SLC9A9: variants seen among roughly 807,000 people sequenced by gnomAD.
SLC9A9 encodes the protein sodium/hydrogen exchanger 9.
In SLC9A9, 62 loss-of-function variants were observed where a neutral mutation model predicts 77.8. That is an observed-to-expected ratio of 0.80 (90% CI 0.65 to 0.98). SLC9A9 has a LOEUF of 0.98. Among genes scored for constraint, SLC9A9 ranks in the 50% least tolerant of loss-of-function variants. SLC9A9 has a pLI of 0.00. For missense variants in SLC9A9, 775 were observed against 774.9 expected, an observed-to-expected ratio of 1.00 and a Z score of 0.00; for synonymous variants, 320 against 283.5, an observed-to-expected ratio of 1.13 and a Z score of -1.29.
In SLC9A9 at chr3:143,336,144, T is replaced by C. The variant is rs145873851; in HGVS notation, c.1604+27340A>G. ...GAAGATATGCAAGTTAACAAGCATA[T>C]GAAAAGATGCTCAATATCTCTAATC... is the stretch of plus-strand genomic sequence containing the variant. On this transcript the variant is annotated intron_variant, in intron 14 of 15. Transcript: ENST00000316549. 7.3e-3 allele frequency among the ~76,000 whole-genome samples: 1,109 copies of C among 152,262 alleles called. 13 individuals are homozygous for C. The highest frequency in any genetic ancestry group is 0.025 in the African/African-American group (1,058 of 41,554).
At chr3:143,602,392 A>C (rs1016256570) in intron 6 of SLC9A9, among the ~76,000 whole-genome samples, 14 of 152,180 alleles carry the variant, frequency 9.2e-5, no homozygotes, top group Non-Finnish European at 2.1e-4. Flanking sequence ...TCCACCTCTT[A>C]AGATGTTCTC....
At chr3:143,327,998 A>AT (rs1010512507) in intron 14 of SLC9A9, among the ~76,000 whole-genome samples, 5 of 152,144 alleles carry the variant, frequency 3.3e-5, no homozygotes, top group Non-Finnish European at 7.3e-5. Context: ...CTATATGGAC[A>AT]TTTTTTTCTG....
intron 14 of SLC9A9, among the ~76,000 whole-genome samples, chr3:143,346,229 G>A (rs901269824): frequency 1.3e-5 from 2 of 152,050 alleles, no homozygotes; most frequent in Admixed American, 6.6e-5. Flanking sequence ...TTTTCACTTG[G>A]CTAAAAGAAG....
chr3:143,518,268 C>G lies in SLC9A9; in HGVS notation c.1090-22820G>C, dbSNP rs529835862. On this transcript the variant is annotated intron_variant, in intron 9 of 15. Coordinates refer to ENST00000316549, the MANE Select transcript of SLC9A9 (RefSeq NM_173653.4). ...TGGGCGAAGCTCAGGGGCTGCAGCC[C>G]GGTTCCAGGCCCAGGCGCTGGCTCA... 9.9e-4 allele frequency: 1,455 copies of G among 1,472,522 alleles called. 17 individuals are homozygous for G. In the African/African-American group the frequency reaches 0.018, roughly 18 times the overall value. 91.2% of individuals were successfully genotyped at this position (1,472,522 alleles called of 1,614,324 possible).
intron 9 of SLC9A9, among the ~76,000 whole-genome samples, chr3:143,548,958 C>T (rs2036836060): frequency 6.6e-6 from 1 of 152,074 alleles, no homozygotes; most frequent in Non-Finnish European, 1.5e-5. Context: ...CATGGATTTC[C>T]CTGAGTTTAC....
chr3:143,583,919 T>A (rs1345961322), intron 6 of SLC9A9, among the ~76,000 whole-genome samples: 1 of 152,120 alleles, frequency 6.6e-6, no homozygotes, highest in African/African-American at 2.4e-5. Flanking sequence ...ATCATATGAA[T>A]TTGTTTTGTG....
intron 14 of SLC9A9, among the ~76,000 whole-genome samples, chr3:143,359,558 G>T (rs757901556): frequency 4.6e-5 from 7 of 152,152 alleles, no homozygotes; most frequent in Non-Finnish European, 7.4e-5. Context: ...GGTGCTTGGG[G>T]TGCCTGAGGA....
chr3:143,840,586 G>A (rs1458323091), intron 1 of SLC9A9, among the ~76,000 whole-genome samples: 1 of 152,150 alleles, frequency 6.6e-6, no homozygotes, highest in African/African-American at 2.4e-5. Flanking sequence ...TTCAACTCCA[G>A]CTACTTAATA....
Position 143,816,294 on chromosome 3 carries a change from C to T in SLC9A9, c.378+15725G>A, listed in dbSNP as rs373809108. 2.0e-5 allele frequency among the ~76,000 whole-genome samples: 3 copies of T among 152,300 alleles called. No individual in the cohort carries two copies. In the South Asian group the frequency reaches 6.2e-4, roughly 32 times the overall value. ...TCATAGCTCACTGTAACCTTGAACT[C>T]GTGGGCTCAAGTGATCTTTCCATCT... is the stretch of plus-strand genomic sequence containing the variant. On this transcript the variant is annotated intron_variant, in intron 2 of 15. Coordinates refer to ENST00000316549, the MANE Select transcript of SLC9A9 (RefSeq NM_173653.4).
At chr3:143,534,805 A>T (rs907359501) in intron 9 of SLC9A9, among the ~76,000 whole-genome samples, 2 of 152,224 alleles carry the variant, frequency 1.3e-5, no homozygotes, top group African/African-American at 2.4e-5. Flanking sequence ...GGATAAATAC[A>T]TTCAGTTTGG....
intron 2 of SLC9A9, among the ~76,000 whole-genome samples, chr3:143,822,390 C>A (rs774054830): frequency 5.3e-5 from 8 of 152,176 alleles, no homozygotes; most frequent in Non-Finnish European, 8.8e-5. Context: ...TCCACACACC[C>A]CAACCTGGGG....
chr3:143,688,196 C>T (rs1933338564), intron 5 of SLC9A9, among the ~76,000 whole-genome samples: 1 of 151,954 alleles, frequency 6.6e-6, no homozygotes, highest in African/African-American at 2.4e-5. Context: ...AGCAATCCTC[C>T]TGCCTCGGCC....
intron 4 of SLC9A9, among the ~76,000 whole-genome samples, chr3:143,715,008 G>A (rs564814466): frequency 6.6e-6 from 1 of 152,256 alleles, no homozygotes; most frequent in East Asian, 1.9e-4. Context: ...CCCTGCACAA[G>A]CTCTCTTTTT....
intron 4 of SLC9A9, among the ~76,000 whole-genome samples, chr3:143,761,501 A>T (rs554794521): frequency 1.3e-5 from 2 of 152,334 alleles, no homozygotes; most frequent in East Asian, 3.9e-4. Flanking sequence ...TACCAGAAAA[A>T]AACAAACAAC....
chr3:143,799,129 T>A (rs948997678), intron 2 of SLC9A9, among the ~76,000 whole-genome samples: 1 of 152,182 alleles, frequency 6.6e-6, no homozygotes, highest in African/African-American at 2.4e-5. Context: ...ATGCTCCTTT[T>A]TCTTTATCCG....
intron 5 of SLC9A9, among the ~76,000 whole-genome samples, chr3:143,660,216 A>G (rs774112204): frequency 1.3e-5 from 2 of 152,218 alleles, no homozygotes; most frequent in Admixed American, 1.3e-4. Context: ...TGGAGCTCTT[A>G]AAAGCAGAAA....
At chr3:143,425,130 T>C (rs1157511589) in intron 12 of SLC9A9, among the ~76,000 whole-genome samples, 2 of 152,200 alleles carry the variant, frequency 1.3e-5, no homozygotes, top group Admixed American at 6.5e-5. Context: ...ACACTTGCCA[T>C]GTGGTCAATC....
At chr3:143,515,184 A>G (rs1350162159) in intron 9 of SLC9A9, among the ~76,000 whole-genome samples, 1 of 152,216 alleles carries the variant, frequency 6.6e-6, no homozygotes, top group Non-Finnish European at 1.5e-5. Context: ...AACACAGACA[A>G]CTATTAAGTT....
In SLC9A9 at chr3:143,268,989, C is replaced by A; in HGVS notation, c.1605-9G>T. 6.3e-7 allele frequency: 1 copy of A among 1,589,316 alleles called. No homozygotes were observed. The highest frequency in any genetic ancestry group is 8.6e-7 in the Non-Finnish European group (1 of 1,157,802). ...AAATTGGTTTCAGATACCTGGGAGG[C>A]CTGTTAAGGAATACTTGTCAACAGG... On this transcript the variant is annotated splice_polypyrimidine_tract_variant and intron_variant, in intron 14 of 15. Transcript: ENST00000316549.
Sources: gnomAD v4.1 joint callset for allele counts (sites outside exome capture counted in the v4.1 genomes callset) on GRCh38, gnomAD v4.1.1 for gene constraint, MANE v1.5 for transcripts, NCBI Gene and HGNC (gene_info 2026-07-23, HGNC 2026-07-21) for gene names.